Variants in GBE1 observed in about 807,000 individuals in gnomAD.
GBE1 encodes the protein 1,4-alpha-glucan-branching enzyme.
Under a neutral mutation model 88.8 loss-of-function variants are expected in GBE1, and 70 were observed. That is an observed-to-expected ratio of 0.79 (90% CI 0.65 to 0.96). GBE1 has a LOEUF of 0.96. GBE1 is among the 40% of genes least tolerant of loss of function. The pLI is 0.00. For synonymous variants in GBE1, 284 were observed against 300.1 expected, an observed-to-expected ratio of 0.95 and a Z score of 0.56; for missense variants, 872 against 871.0, an observed-to-expected ratio of 1.00 and a Z score of -0.01.
chr3:81,708,647 T>C (rs1198527985), intron 1 of GBE1, among the ~76,000 whole-genome samples: 1 of 152,160 alleles, frequency 6.6e-6, no homozygotes, highest in Non-Finnish European at 1.5e-5. Context: ...ACTCTATTTT[T>C]AGAAATTTGT....
At chr3:81,490,598 TAGAA>T in intron 15 of GBE1, 135 bp from the exon 16 acceptor site, 3 of 735,942 alleles carry the variant, frequency 4.1e-6, no homozygotes, top group Non-Finnish European at 7.0e-6. Flanking sequence ...TACAAGCTCT[TAGAA>T]GGCTCAATTT....
At chr3:81,699,122 G>T (rs1705648006) in intron 2 of GBE1, among the ~76,000 whole-genome samples, 1 of 152,120 alleles carries the variant, frequency 6.6e-6, no homozygotes, top group Admixed American at 6.6e-5. Flanking sequence ...AGAATCCCAA[G>T]GCTGCCTCCA....
At chr3:81,558,476 G>T (rs1310471397) in intron 12 of GBE1, among the ~76,000 whole-genome samples, 2 of 151,914 alleles carry the variant, frequency 1.3e-5, no homozygotes, top group Non-Finnish European at 2.9e-5. Flanking sequence ...TTTGCTAAGG[G>T]TCAGAAAATA....
intron 9 of GBE1, among the ~76,000 whole-genome samples, chr3:81,590,479 A>G (rs1703862328): frequency 6.6e-6 from 1 of 152,064 alleles, no homozygotes. Flanking sequence ...GGAATTGTCA[A>G]TTATGCATAT....
At chr3:81,661,223 GA>G (rs1208588074) in intron 3 of GBE1, among the ~76,000 whole-genome samples, 3 of 151,762 alleles carry the variant, frequency 2.0e-5, no homozygotes, top group African/African-American at 4.8e-5. Context: ...AAGGAAGAAA[GA>G]AAAAAAGATG....
At chr3:81,658,677 C>G (rs914319334) in intron 3 of GBE1, among the ~76,000 whole-genome samples, 2 of 152,006 alleles carry the variant, frequency 1.3e-5, no homozygotes, top group African/African-American at 4.8e-5. Flanking sequence ...GCTTTTCTAC[C>G]GAGGCAAATC....
chr3:81,558,033 A>G lies in GBE1; in HGVS notation c.1618+19892T>C, dbSNP rs113961369. ...AAGTACAAGAGTTTGAGAGGTGGGT[A>G]GCGTATGAGGAAGCAGGATCAGCAC... is the stretch of plus-strand genomic sequence containing the variant. On this transcript the variant is annotated intron_variant, in intron 12 of 15. Transcript: ENST00000429644. Among the ~76,000 whole-genome samples the G allele has an allele frequency of 9.7e-3, 1,471 of 152,092 alleles. 22 individuals carry two copies. The highest frequency in any genetic ancestry group is 0.032 in the African/African-American group (1,332 of 41,530).
chr3:81,581,346 A>G, intron 10 of GBE1, 71 bp from the exon 11 acceptor site: 1 of 848,988 alleles, frequency 1.2e-6, no homozygotes, highest in Non-Finnish European at 1.9e-6. Context: ...CACAATCTGA[A>G]GTTATGCATT....
chr3:81,738,140 T>C lies in GBE1; in HGVS notation c.143+23235A>G, dbSNP rs535086879. On this transcript the variant is annotated intron_variant, in intron 1 of 15. Coordinates refer to ENST00000429644, the MANE Select transcript of GBE1 (RefSeq NM_000158.4). Reference sequence around the variant, plus strand: ...GTGTATATGTGCCACATTTTCTTAATCCAGTCTATCATTGTTGGACATTTG... The same window carrying C: ...GTGTATATGTGCCACATTTTCTTAACCCAGTCTATCATTGTTGGACATTTG... Among the ~76,000 whole-genome samples the C allele has an allele frequency of 1.4e-3, 208 of 151,786 alleles. No individual in the cohort carries two copies. In the Middle Eastern group the frequency reaches 0.017, roughly 12 times the overall value.
intron 15 of GBE1, among the ~76,000 whole-genome samples, chr3:81,491,056 T>A (rs560871487): frequency 1.9e-4 from 29 of 152,232 alleles, no homozygotes; most frequent in Middle Eastern, 6.8e-3. Context: ...CTTGCTTGCA[T>A]CCTCACCCAC....
chr3:81,690,274 C>T (rs1047595779), intron 2 of GBE1, among the ~76,000 whole-genome samples: 2 of 152,170 alleles, frequency 1.3e-5, no homozygotes, highest in Admixed American at 6.5e-5. Flanking sequence ...ATCCCCTCAG[C>T]GCTAACACTG....
At chr3:81,642,554 A>G (rs1704698406) in intron 7 of GBE1, 1 of 406,352 alleles carries the variant, frequency 2.5e-6, no homozygotes, top group South Asian at 3.9e-5. Flanking sequence ...TATATAACCA[A>G]TATATTTTAC....
intron 1 of GBE1, among the ~76,000 whole-genome samples, chr3:81,750,569 ATATATACGTATATATATACG>A (rs1706490578): frequency 4.5e-5 from 3 of 66,198 alleles, no homozygotes; most frequent in African/African-American, 2.6e-4. Context: ...ATATGTATAT[ATATATACGTATATATATACG>A]TATATATATA....
chr3:81,641,161 A>T (rs2107056286), intron 7 of GBE1, among the ~76,000 whole-genome samples: 1 of 152,282 alleles, frequency 6.6e-6, no homozygotes, highest in Non-Finnish European at 1.5e-5. Flanking sequence ...ATTCTACAGA[A>T]GAATTGTTTT....
chr3:81,518,745 T>TC (rs1702832085), intron 14 of GBE1, among the ~76,000 whole-genome samples: 1 of 151,494 alleles, frequency 6.6e-6, no homozygotes, highest in African/African-American at 2.4e-5. Context: ...TAAAGCTATT[T>TC]TAAAAAAGGA....
chr3:81,522,790 A>G (rs558975425), intron 14 of GBE1, among the ~76,000 whole-genome samples: 2 of 151,684 alleles, frequency 1.3e-5, no homozygotes, highest in East Asian at 3.9e-4. Flanking sequence ...TGTGGGAAAT[A>G]GGTCAACAAT....
chr3:81,628,266 C>T (rs1704447313), intron 7 of GBE1, among the ~76,000 whole-genome samples: 1 of 152,072 alleles, frequency 6.6e-6, no homozygotes, highest in Non-Finnish European at 1.5e-5. Flanking sequence ...TCTTTCTCTT[C>T]TTCAAGGTGA....
At chr3:81,671,000 T>C (rs569329876) in intron 2 of GBE1, 47 bp from the exon 3 acceptor site, 5 of 811,746 alleles carry the variant, frequency 6.2e-6, no homozygotes, top group African/African-American at 1.8e-5. Flanking sequence ...ATAGGACTAA[T>C]AGTTAATGAA....
chr3:81,635,156 C>T (rs1161982693), intron 7 of GBE1, among the ~76,000 whole-genome samples: 1 of 152,070 alleles, frequency 6.6e-6, no homozygotes, highest in Non-Finnish European at 1.5e-5. Context: ...ATTTGAAAGG[C>T]TATACAGGTA....
Sources: gnomAD v4.1 joint callset for allele counts (sites outside exome capture counted in the v4.1 genomes callset) on GRCh38, gnomAD v4.1.1 for gene constraint, MANE v1.5 for transcripts, NCBI Gene and HGNC (gene_info 2026-07-23, HGNC 2026-07-21) for gene names.